TJP1: variants seen among roughly 807,000 people sequenced by gnomAD.
The protein encoded by TJP1 is tight junction protein ZO-1.
TJP1 carries 43 observed loss-of-function variants against 194.2 expected under a neutral mutation model. That is an observed-to-expected ratio of 0.22 (90% CI 0.17 to 0.29). TJP1 has a LOEUF of 0.29. Ranked by LOEUF, TJP1 falls within the 10% of genes least tolerant of loss-of-function variation. The probability of loss-of-function intolerance (pLI) is 1.00; values close to 1 mark genes in which losing one functional copy is unlikely to be tolerated. For missense variants in TJP1, 1,971 were observed against 2,185.7 expected (o/e 0.90, Z 1.96); for synonymous variants, 801 against 779.0 (o/e 1.03, Z -0.47).
intron 2 of TJP1, among the ~76,000 whole-genome samples, chr15:29,790,162 G>C (rs559210953): frequency 6.6e-6 from 1 of 152,268 alleles, no homozygotes; most frequent in South Asian, 2.1e-4. Flanking sequence ...GAGATTTATG[G>C]TCTGCAAAGC....
chr15:29,738,104 G>C (rs973172221), intron 10 of TJP1, among the ~76,000 whole-genome samples: 2 of 152,062 alleles, frequency 1.3e-5, no homozygotes, highest in Admixed American at 6.6e-5. Flanking sequence ...TCTAGCATCA[G>C]TGTAGTGTTG....
At chr15:29,761,900 A>G in intron 6 of TJP1, 131 bp from the exon 7 acceptor site, 3 of 851,438 alleles carry the variant, frequency 3.5e-6, no homozygotes, top group Non-Finnish European at 5.0e-6. Flanking sequence ...ACACTTTTCC[A>G]AACTGTCAAA....
chr15:29,923,427 G>A (rs538278468), intron 2 of TJP1, among the ~76,000 whole-genome samples: 12 of 152,164 alleles, frequency 7.9e-5, no homozygotes, highest in African/African-American at 1.7e-4. Context: ...TTCTCTAACC[G>A]CAGACTCACA....
chr15:29,738,610 T>C (rs542192708), intron 10 of TJP1, among the ~76,000 whole-genome samples: 2 of 152,246 alleles, frequency 1.3e-5, no homozygotes, highest in Non-Finnish European at 2.9e-5. Flanking sequence ...CCAGCTTTAC[T>C]ACAAATGGTC....
intron 2 of TJP1, among the ~76,000 whole-genome samples, chr15:29,783,324 G>A (rs187786918): frequency 6.6e-6 from 1 of 151,976 alleles, no homozygotes; most frequent in Non-Finnish European, 1.5e-5. Flanking sequence ...TGTCAGAATG[G>A]CTAATATTAA....
rs1330562401 is a variant in TJP1, at chr15:29,818,505, T to C, written c.27+3497A>G. Among the ~76,000 whole-genome samples, 3 of 152,316 alleles carry C rather than the reference T, an allele frequency of 2.0e-5. No homozygotes were observed. In the East Asian group the frequency reaches 5.8e-4, roughly 29 times the overall value. ...ATCACACATATAAAAAACGTTTTTT[T>C]CCTTTATTTATTTATTTGAGACAGC... On this transcript the variant is annotated intron_variant, in intron 1 of 27. Transcript: ENST00000614355.
chr15:29,935,552 CT>C (rs1471751348), intron 2 of TJP1, among the ~76,000 whole-genome samples: 1 of 152,154 alleles, frequency 6.6e-6, no homozygotes, highest in Non-Finnish European at 1.5e-5. Context: ...TTCAAAATTC[CT>C]GGCTTTTCCA....
rs558170801 is a variant in TJP1 at position 29,714,247 on chromosome 15, T to C, written c.4202+2364A>G. Among the ~76,000 whole-genome samples, 46 of 146,936 alleles carry C rather than the reference T, an allele frequency of 3.1e-4. 1 individual carries two copies. The highest frequency in any genetic ancestry group is 2.4e-3 in the East Asian group (12 of 5,062). ...TACTTTTTAGACCTAAATATACTCC[T>C]TTTTTTTTTTGAGATGAGTCTGGCT... On this transcript the variant is annotated intron_variant, in intron 23 of 27. Transcript: ENST00000614355.
rs1269566498 is a variant in TJP1, at chr15:29,745,333, AGAC to A, written c.1011-2555_1011-2553del. Among the ~76,000 whole-genome samples the A allele has an allele frequency of 4.6e-5, 7 of 151,950 alleles. No homozygotes were observed. In the East Asian group the frequency reaches 1.4e-3, roughly 29 times the overall value. ...AAAAAAAAAACTTAATGAATATTAA[AGAC>A]TACTGAAAAATTTCCTGAATTAAGA... is the stretch of plus-strand genomic sequence containing the variant. On this transcript the variant is annotated intron_variant, in intron 8 of 27. Coordinates refer to ENST00000614355, the MANE Select transcript of TJP1 (RefSeq NM_001330239.4).
At chr15:29,799,473 G>T (rs546532340) in intron 2 of TJP1, among the ~76,000 whole-genome samples, 8 of 151,330 alleles carry the variant, frequency 5.3e-5, no homozygotes, top group African/African-American at 1.9e-4. Flanking sequence ...GGAGTGCAGT[G>T]GCATGATCTC....
At chr15:29,958,774 TC>T (rs2056045046) in intron 1 of TJP1, among the ~76,000 whole-genome samples, 1 of 152,180 alleles carries the variant, frequency 6.6e-6, no homozygotes, top group Non-Finnish European at 1.5e-5. Flanking sequence ...TCCCCCTCTT[TC>T]CCAGCAACTC....
At chr15:29,940,887 C>T (rs926502390) in intron 2 of TJP1, among the ~76,000 whole-genome samples, 4 of 152,134 alleles carry the variant, frequency 2.6e-5, no homozygotes, top group East Asian at 3.9e-4. Flanking sequence ...CCCCCACCCT[C>T]GCCCCTGCCC....
Position 29,914,394 on chromosome 15 carries a change from C to T in TJP1, c.306+41838G>A, listed in dbSNP as rs181930339. Among the ~76,000 whole-genome samples the T allele has an allele frequency of 1.4e-3, 208 of 152,274 alleles. 2 individuals carry two copies. The highest frequency in any genetic ancestry group is 2.4e-3 in the Admixed American group (36 of 15,306). ...AGAGGCCCTGGGATCCAAAGAGCTGCACCCCCACCTCAGGAAGCCTGGAGA... is the reference window on the plus strand; with the variant it reads ...AGAGGCCCTGGGATCCAAAGAGCTGTACCCCCACCTCAGGAAGCCTGGAGA... On this transcript the variant is annotated intron_variant, in intron 2 of 28. Transcript: ENST00000356107.
In TJP1 at chr15:29,857,544, C is replaced by T. The variant is rs62014487; in HGVS notation, c.307-56842G>A. Among the ~76,000 whole-genome samples the T allele has an allele frequency of 4.7e-3, 717 of 152,108 alleles. 4 individuals carry two copies. The highest frequency in any genetic ancestry group is 8.0e-3 in the Admixed American group (122 of 15,284). ...CATGGACAAGAAGCGCAGGGAAGGCCTTTTTACAGACAAATAAGAATAAAA... is the reference window on the plus strand; with the variant it reads ...CATGGACAAGAAGCGCAGGGAAGGCTTTTTTACAGACAAATAAGAATAAAA... On this transcript the variant is annotated intron_variant, in intron 2 of 28. Coordinates refer to the TJP1 transcript ENST00000356107.
At chr15:29,707,029 C>A (rs2041942475) in intron 25 of TJP1, among the ~76,000 whole-genome samples, 1 of 152,052 alleles carries the variant, frequency 6.6e-6, no homozygotes, top group East Asian at 1.9e-4. Flanking sequence ...ATAAAATCTC[C>A]CTAGGATTTT....
chr15:29,911,051 G>A (rs1262268404), intron 2 of TJP1, among the ~76,000 whole-genome samples: 2 of 152,228 alleles, frequency 1.3e-5, no homozygotes, highest in African/African-American at 2.4e-5. Context: ...TGATCTTAGG[G>A]AGAGCAGATG....
intron 2 of TJP1, among the ~76,000 whole-genome samples, chr15:29,783,662 C>T (rs1242318360): frequency 6.6e-6 from 1 of 152,214 alleles, no homozygotes; most frequent in African/African-American, 2.4e-5. Context: ...TTTGCAAGAA[C>T]ACGGGTGGAA....
chr15:29,943,751 C>T (rs974382761), intron 2 of TJP1, among the ~76,000 whole-genome samples: 2 of 150,998 alleles, frequency 1.3e-5, no homozygotes, highest in Non-Finnish European at 2.9e-5. Context: ...GAGTTTGAGA[C>T]CAGCCTGGCC....
chr15:29,852,144 A>T (rs986005184), intron 2 of TJP1, among the ~76,000 whole-genome samples: 4 of 152,224 alleles, frequency 2.6e-5, no homozygotes, highest in African/African-American at 9.6e-5. Flanking sequence ...CAAAATTAAA[A>T]ATTTTTTGTT....
Sources: allele counts gnomAD v4.1 joint callset (sites outside exome capture counted in the v4.1 genomes callset), GRCh38; gene constraint gnomAD v4.1.1; transcripts MANE v1.5; gene names NCBI Gene and HGNC (gene_info 2026-07-23, HGNC 2026-07-21).